Variants in CALCB observed in about 807,000 individuals in gnomAD.
CALCB encodes calcitonin related polypeptide beta.
In CALCB, 8 loss-of-function variants were observed where a neutral mutation model predicts 10.7. The ratio of observed to expected loss-of-function variants is 0.75; its 90% confidence interval spans 0.44 to 1.34. The LOEUF (loss-of-function observed/expected upper bound fraction) is 1.34, where lower values mean the gene tolerates loss of function less well. Ranked by LOEUF, CALCB falls within the 40% of genes most tolerant of loss-of-function variation. CALCB has a pLI of 0.01. For synonymous variants in CALCB, 76 were observed against 66.9 expected, an observed-to-expected ratio of 1.14 and a Z score of -0.66; for missense variants, 176 against 162.5, an observed-to-expected ratio of 1.08 and a Z score of -0.45.
intron 1 of CALCB, 118 bp from the exon 2 acceptor site, chr11:15,074,592 G>T: frequency 1.4e-6 from 1 of 724,942 alleles, no homozygotes; most frequent in Non-Finnish European, 2.4e-6. Flanking sequence ...CAAATGAAGG[G>T]AACAGAGGCT....
At chr11:15,074,508 GAC>G (rs1173449018) in intron 1 of CALCB, among the ~76,000 whole-genome samples, 200 bp from the exon 2 acceptor site, 2 of 152,154 alleles carry the variant, frequency 1.3e-5, no homozygotes, top group African/African-American at 4.8e-5. Flanking sequence ...CTTCCCCTAG[GAC>G]ACCTTTTTCC....
intron 3 of CALCB, among the ~76,000 whole-genome samples, chr11:15,076,284 G>C (rs765406050): frequency 1.2e-4 from 19 of 152,150 alleles, no homozygotes; most frequent in Non-Finnish European, 1.9e-4. Flanking sequence ...CTTCGGGCCT[G>C]AAATTCCTGG....
At chr11:15,074,442 T>G (rs1280118285) in intron 1 of CALCB, among the ~76,000 whole-genome samples, 1 of 152,246 alleles carries the variant, frequency 6.6e-6, no homozygotes, top group Non-Finnish European at 1.5e-5. Flanking sequence ...CGGGCGCGTG[T>G]GGCTTCTCCC....
intron 3 of CALCB, among the ~76,000 whole-genome samples, 197 bp downstream of exon 3, chr11:15,075,395 T>C (rs1850384978): frequency 6.6e-6 from 1 of 152,140 alleles, no homozygotes; most frequent in African/African-American, 2.4e-5. Context: ...TTAGACACAA[T>C]AAAAAGCTCC....
rs200666060 is a variant in CALCB, at chr11:15,075,110, G to A, written c.136G>A (p.Ala46Thr). Residue 46 changes from alanine (A) to threonine (T), a missense_variant, in exon 3 of 5, where the codon GCG becomes ACG. Transcript: ENST00000324229. ...CCCGGCCACACTCAGTAAAGAGGAC[G>A]CGCGCCTCCTGCTGGCTGCACTGGT... is the stretch of plus-strand genomic sequence containing the variant. ...PDPATLSKED[A>T]RLLLAALVQD... The A allele has an allele frequency of 2.6e-4, 424 of 1,614,212 alleles. No homozygotes were observed. Among genetic ancestry groups the A allele is most frequent in the Non-Finnish European group, 3.4e-4 (400 of 1,180,036 alleles).
chr11:15,075,005 T>G (rs1209822340), intron 2 of CALCB, 56 bp from the exon 3 acceptor site: 1 of 1,602,308 alleles, frequency 6.2e-7, no homozygotes, highest in African/African-American at 1.3e-5. Flanking sequence ...CTGCCTATCC[T>G]GGGGAGGGTC....
At chr11:15,074,659 T>G (rs1850376996) in intron 1 of CALCB, 51 bp from the exon 2 acceptor site, 1 of 1,428,018 alleles carries the variant, frequency 7.0e-7, no homozygotes, top group Admixed American at 1.8e-5. Context: ...GAGGCAGGAC[T>G]GGAACCTAGA....
At chr11:15,076,196 G>A (rs1945610) in intron 3 of CALCB, among the ~76,000 whole-genome samples, 151,061 of 152,314 alleles carry the variant, frequency 0.99, 74,921 homozygotes, top group Middle Eastern at 1. Context: ...TTTAAGTAGC[G>A]TATAGTAATC....
intron 3 of CALCB, among the ~76,000 whole-genome samples, chr11:15,076,656 C>A (rs1326926361): frequency 2.6e-5 from 4 of 152,206 alleles, no homozygotes; most frequent in African/African-American, 9.7e-5. Context: ...AATGCCTTGG[C>A]ATTAGATGAA....
At chr11:15,076,828 A>G (rs1458708859) in intron 3 of CALCB, among the ~76,000 whole-genome samples, 1 of 152,196 alleles carries the variant, frequency 6.6e-6, no homozygotes, top group Non-Finnish European at 1.5e-5. Flanking sequence ...TCAAGCAGCA[A>G]GAACAGTGTG....
chr11:15,075,013 G>A, intron 2 of CALCB, 48 bp from the exon 3 acceptor site: 2 of 1,608,656 alleles, frequency 1.2e-6, no homozygotes, highest in Non-Finnish European at 1.7e-6. Context: ...CCTGGGGAGG[G>A]TCAGTCAGGG....
At chr11:15,077,180 C>A in intron 3 of CALCB, 106 bp from the exon 4 acceptor site, 2 of 1,232,528 alleles carry the variant, frequency 1.6e-6, no homozygotes, top group Non-Finnish European at 2.3e-6. Flanking sequence ...TCGAGAAACA[C>A]TTACTGTTAG....
At chr11:15,076,520 A>G (rs563651316) in intron 3 of CALCB, among the ~76,000 whole-genome samples, 1 of 152,358 alleles carries the variant, frequency 6.6e-6, no homozygotes, top group East Asian at 1.9e-4. Context: ...GGAAGACAGC[A>G]GGACTTACTG....
chr11:15,075,184 GA>G lies in CALCB; in HGVS notation c.211del (p.Thr71HisfsTer19). 1 of 1,614,180 alleles carries G rather than the reference GA, an allele frequency of 6.2e-7. No individual in the cohort carries two copies. The stretch of plus-strand genomic sequence containing the variant: ...CCAGTGAGCTGAAGCAGGAGCAGGA[GA>G]CACAGGGCTCCAGGTGAGGTTCCCC... The part of the protein sequence containing the change: ...KASELKQEQE[T>X]QGSSSAAQKR... On this transcript the variant is annotated frameshift_variant, in exon 3 of 5. Coordinates refer to ENST00000324229, the MANE Select transcript of CALCB (RefSeq NM_000728.4). LOFTEE classifies it high-confidence loss of function.
chr11:15,074,798 C>T lies in CALCB; in HGVS notation c.80C>T (p.Pro27Leu), dbSNP rs1396405869. 3.1e-6 allele frequency: 5 copies of T among 1,613,458 alleles called. No homozygotes were observed. The South Asian group carries it at 4.4e-5, about 14-fold the overall frequency. ...CAGGCGGGCAGCCTCCAGGCGGCGC[C>T]ATTCAGGTGAGACAGCCTGGAGCCA... ...LYQAGSLQAA[P>L]FRSALESSPD... Residue 27 changes from proline to leucine, a missense_variant, in exon 2 of 5, where the codon CCA becomes CTA. Coordinates refer to ENST00000324229, the MANE Select transcript of CALCB (RefSeq NM_000728.4).
Position 15,075,124 on chromosome 11 carries a change from G to A in CALCB, c.150G>A (p.Leu50=), listed in dbSNP as rs1193073799. ...GTAAAGAGGACGCGCGCCTCCTGCT[G>A]GCTGCACTGGTGCAGGACTATGTGC... is the stretch of plus-strand genomic sequence containing the variant. ...TLSKEDARLL[L]AALVQDYVQM... The change falls in exon 3 of 5, where the codon CTG becomes CTA. Residue 50 remains leucine, a synonymous_variant. Coordinates refer to ENST00000324229, the MANE Select transcript of CALCB (RefSeq NM_000728.4). 1 of 1,614,198 alleles carries A rather than the reference G, an allele frequency of 6.2e-7. No homozygotes were observed. The highest frequency in any genetic ancestry group is 1.3e-5 in the African/African-American group (1 of 75,062).
intron 3 of CALCB, 81 bp from the exon 4 acceptor site, chr11:15,077,205 T>C (rs2133642022): frequency 6.9e-7 from 1 of 1,446,930 alleles, no homozygotes; most frequent in Non-Finnish European, 9.5e-7. Flanking sequence ...TGTGTCGAAG[T>C]GTTGCAGTTC....
intron 3 of CALCB, among the ~76,000 whole-genome samples, chr11:15,076,895 T>G (rs1288995456): frequency 2.0e-5 from 3 of 152,206 alleles, no homozygotes; most frequent in African/African-American, 7.2e-5. Context: ...TTCTCTGAGC[T>G]TCTTCTGAAG....
In CALCB at chr11:15,075,130, A is replaced by G; in HGVS notation, c.156A>G (p.Ala52=). 1.2e-6 allele frequency: 2 copies of G among 1,614,190 alleles called. No homozygotes were observed. The highest frequency in any genetic ancestry group is 2.2e-5 in the South Asian group (2 of 91,076). Residue 52 remains alanine (A), a synonymous_variant, in exon 3 of 5, where the codon GCA becomes GCG. Transcript: ENST00000324229. ...AGGACGCGCGCCTCCTGCTGGCTGCACTGGTGCAGGACTATGTGCAGATGA... is the reference window on the plus strand; with the variant it reads ...AGGACGCGCGCCTCCTGCTGGCTGCGCTGGTGCAGGACTATGTGCAGATGA... The part of the protein sequence containing the change: ...SKEDARLLLA[A]LVQDYVQMKA...
Sources: gnomAD v4.1 joint callset for allele counts (sites outside exome capture counted in the v4.1 genomes callset) on GRCh38, gnomAD v4.1.1 for gene constraint, MANE v1.5 for transcripts, NCBI Gene and HGNC (gene_info 2026-07-23, HGNC 2026-07-21) for gene names.